Variants in KLF5 observed in about 807,000 individuals in gnomAD.
KLF5 encodes Krueppel-like factor 5.
In KLF5, 9 loss-of-function variants were observed where a neutral mutation model predicts 36.9. The observed-to-expected ratio is 0.24, with a 90% confidence interval of 0.15 to 0.43. The LOEUF (loss-of-function observed/expected upper bound fraction) is 0.43. Among genes scored for constraint, KLF5 ranks in the 20% least tolerant of loss-of-function variants. The pLI is 1.00. For synonymous variants in KLF5, 246 were observed against 241.7 expected, an observed-to-expected ratio of 1.02 and a Z score of -0.17; for missense variants, 524 against 599.5, an observed-to-expected ratio of 0.87 and a Z score of 1.31.
rs67730943 is a variant in KLF5 at position 73,063,983 on chromosome 13, C to CTTTTTTTTTTTTTTTT, written c.1195+103_1195+104insTTTTTTTTTTTTTTTT. The CTTTTTTTTTTTTTTTT allele has an allele frequency of 6.0e-6, 2 of 332,714 alleles. 1 individual carries two copies. Among genetic ancestry groups the CTTTTTTTTTTTTTTTT allele is most frequent in the Non-Finnish European group, 1.1e-5 (2 of 188,724 alleles). The allele number at this position is 332,714 out of a possible 1,614,324, so 20.6% of individuals were successfully genotyped here. A position where few individuals can be genotyped will look rare whatever the true frequency, so the allele number is the denominator to read the frequency against. The stretch of plus-strand genomic sequence containing the variant: ...CGTGTTTGATCTCTTCTCCTGTCAA[C>CTTTTTTTTTTTTTTTT]TTTGTTTTTTTTTTTTTTTTTAAAT... On this transcript the variant is annotated intron_variant, in intron 3 of 3. Transcript: ENST00000377687.
rs113148226 is a variant in KLF5, at chr13:73,062,772, AGT to A, written c.1135+55_1135+56del. The A allele has an allele frequency of 3.3e-3, 4,655 of 1,420,286 alleles. 24 individuals carry two copies. Among genetic ancestry groups the A allele is most frequent in the South Asian group, 0.02 (1,636 of 80,988 alleles). 88.0% of individuals were successfully genotyped at this position (1,420,286 alleles called of 1,614,324 possible). A position where few individuals can be genotyped will look rare whatever the true frequency, so the allele number is the denominator to read the frequency against. On this transcript the variant is annotated intron_variant, in intron 2 of 3. Coordinates refer to ENST00000377687, the MANE Select transcript of KLF5 (RefSeq NM_001730.5). ...ACCTGGTTGAAGCATCAATAGATGT[AGT>A]GTGTGTGTGTGTGTGTCTGTGTGCG... is the stretch of plus-strand genomic sequence containing the variant.
Position 73,075,730 on chromosome 13 carries a change from C to T in KLF5, c.1218C>T (p.Thr406=). ...CAGGTGAAAAGCCATACAAGTGTAC[C>T]TGGGAAGGCTGCGACTGGAGGTTCG... ...THTGEKPYKC[T]WEGCDWRFAR... The change falls in exon 4 of 4, where the codon ACC becomes ACT. Residue 406 remains threonine, a synonymous_variant. Transcript: ENST00000377687. The T allele has an allele frequency of 6.2e-7, 1 of 1,607,596 alleles. No homozygotes were observed.
At chr13:73,063,690 A>C in intron 2 of KLF5, 134 bp from the exon 3 acceptor site, 1 of 640,154 alleles carries the variant, frequency 1.6e-6, no homozygotes, top group African/African-American at 1.8e-5. Context: ...TAAAACTTTT[A>C]AAACTGAAGC....
chr13:73,072,655 A>G (rs779338384), intron 3 of KLF5, among the ~76,000 whole-genome samples: 2 of 152,146 alleles, frequency 1.3e-5, no homozygotes, highest in Non-Finnish European at 2.9e-5. Flanking sequence ...TTTTGCTTCT[A>G]ACTCTACGGG....
Position 73,077,044 on chromosome 13 carries a change from A to T in KLF5, c.*1158A>T, listed in dbSNP as rs2044768132. The T allele has an allele frequency of 6.6e-6, 1 of 152,640 alleles. No individual in the cohort carries two copies. The highest frequency in any genetic ancestry group is 2.4e-5 in the African/African-American group (1 of 41,446). 9.5% of individuals were successfully genotyped at this position (152,640 alleles called of 1,614,324 possible). ...TAAATGATATGTTGAAAACTTAAGG[A>T]AGCAAATGCTACATATATGCAATAT... is the stretch of plus-strand genomic sequence containing the variant. On this transcript the variant is annotated 3_prime_UTR_variant, in exon 4 of 4. Coordinates refer to ENST00000377687, the MANE Select transcript of KLF5 (RefSeq NM_001730.5).
At chr13:73,061,185 A>T (rs2044632587) in intron 1 of KLF5, among the ~76,000 whole-genome samples, 1 of 152,236 alleles carries the variant, frequency 6.6e-6, no homozygotes. Flanking sequence ...CATATTAACC[A>T]ATTACAGGAT....
chr13:73,060,076 T>C (rs2044621877), intron 1 of KLF5, among the ~76,000 whole-genome samples: 1 of 149,018 alleles, frequency 6.7e-6, no homozygotes. Flanking sequence ...TGGCTCAACC[T>C]GCTTTAGAAG....
rs539475182 is a variant in KLF5 at position 73,076,397 on chromosome 13, A to G, written c.*511A>G. ...AAATGTGTGGGTTTTTAAAAATTAT[A>G]TACATATATGAGTTGCCTATATTTG... On this transcript the variant is annotated 3_prime_UTR_variant, in exon 4 of 4. Coordinates refer to ENST00000377687, the MANE Select transcript of KLF5 (RefSeq NM_001730.5). The G allele has an allele frequency of 1.3e-5, 2 of 152,898 alleles. No individual in the cohort carries two copies. Among genetic ancestry groups the G allele is most frequent in the African/African-American group, 4.8e-5 (2 of 41,596 alleles). 9.5% of individuals were successfully genotyped at this position (152,898 alleles called of 1,614,324 possible).
chr13:73,061,240 T>C (rs1395375681), intron 1 of KLF5, among the ~76,000 whole-genome samples: 1 of 152,196 alleles, frequency 6.6e-6, no homozygotes, highest in African/African-American at 2.4e-5. Flanking sequence ...GAATGTGAAA[T>C]TGTTTTGTTT....
rs946600418 is a variant in KLF5, at chr13:73,076,872, G to A, written c.*986G>A. On this transcript the variant is annotated 3_prime_UTR_variant, in exon 4 of 4. Transcript: ENST00000377687. ...ATTGATGATGCAGTTTTCATATATC[G>A]AGATGTTCGCTCGTGCAGTACTGTT... is the stretch of plus-strand genomic sequence containing the variant. 1.3e-5 allele frequency: 2 copies of A among 152,082 alleles called. No individual in the cohort carries two copies. Among genetic ancestry groups the A allele is most frequent in the African/African-American group, 2.4e-5 (1 of 41,420 alleles). The allele number at this position is 152,082 out of a possible 1,614,324, so 9.4% of individuals were successfully genotyped here. A position where few individuals can be genotyped will look rare whatever the true frequency, so the allele number is the denominator to read the frequency against.
Position 73,075,943 on chromosome 13 carries a change from A to G in KLF5, c.*57A>G, listed in dbSNP as rs760046551. ...TGGGCTCCCTCAAATGACAGACCTA[A>G]CTATTCCTGTGTAAAAACAACAAAA... is the stretch of plus-strand genomic sequence containing the variant. On this transcript the variant is annotated 3_prime_UTR_variant, in exon 4 of 4. Coordinates refer to ENST00000377687, the MANE Select transcript of KLF5 (RefSeq NM_001730.5). 1.5e-6 allele frequency: 2 copies of G among 1,362,266 alleles called. No homozygotes were observed. The highest frequency in any genetic ancestry group is 1.9e-6 in the Non-Finnish European group (2 of 1,028,738). The allele number at this position is 1,362,266 out of a possible 1,614,324, so 84.4% of individuals were successfully genotyped here. A position where few individuals can be genotyped will look rare whatever the true frequency, so the allele number is the denominator to read the frequency against.
intron 3 of KLF5, among the ~76,000 whole-genome samples, chr13:73,065,363 A>G (rs528263203): frequency 3.6e-4 from 55 of 152,356 alleles, no homozygotes; most frequent in South Asian, 2.1e-3. Flanking sequence ...TTGATATCCC[A>G]GTGATAAACA....
intron 3 of KLF5, among the ~76,000 whole-genome samples, chr13:73,074,027 G>A (rs548445958): frequency 2.6e-5 from 4 of 152,258 alleles, no homozygotes; most frequent in African/African-American, 7.2e-5. Context: ...AACAAAAACT[G>A]TCTGGGTCAG....
chr13:73,062,844 G>A lies in KLF5; in HGVS notation c.1135+110G>A, dbSNP rs970852862. The stretch of plus-strand genomic sequence containing the variant: ...ACGCGCGTGCCCTTTTCAACCTCAT[G>A]GCTTTAAATAGGAAAGTTGTACTTG... On this transcript the variant is annotated intron_variant, in intron 2 of 3. Transcript: ENST00000377687. The A allele has an allele frequency of 1.0e-5, 9 of 864,274 alleles. No individual in the cohort carries two copies. The African/African-American group carries it at 1.5e-4, about 15-fold the overall frequency. The allele number at this position is 864,274 out of a possible 1,614,324, so 53.5% of individuals were successfully genotyped here. A position where few individuals can be genotyped will look rare whatever the true frequency, so the allele number is the denominator to read the frequency against.
chr13:73,062,821 G>T (rs1257393708), intron 2 of KLF5, 87 bp downstream of exon 2: 11 of 1,190,204 alleles, frequency 9.2e-6, no homozygotes, highest in Non-Finnish European at 1.3e-5. Flanking sequence ...GTGTGTGCAC[G>T]CGCGTGCCCT....
At position 73,061,944 on chromosome 13, in the gene KLF5, C is replaced by T. The variant is rs1227689487; in HGVS notation, c.345C>T (p.Asp115=). The part of the protein sequence containing the change: ...IIPEHKKYRR[D]SASVVDQFFT... ...CAGAGCATAAAAAGTATAGACGAGA[C>T]AGTGCCTCAGTCGTAGACCAGTTCT... The change falls in exon 2 of 4, where the codon GAC becomes GAT. Residue 115 remains aspartate, a synonymous_variant. Coordinates refer to ENST00000377687, the MANE Select transcript of KLF5 (RefSeq NM_001730.5). 2 of 1,614,080 alleles carry T rather than the reference C, an allele frequency of 1.2e-6. No individual in the cohort carries two copies. Among genetic ancestry groups the T allele is most frequent in the Non-Finnish European group, 1.7e-6 (2 of 1,179,928 alleles).
chr13:73,059,940 G>A (rs1246913020), intron 1 of KLF5: 2 of 285,960 alleles, frequency 7.0e-6, no homozygotes, highest in African/African-American at 4.6e-5. Context: ...CTTAAATTAC[G>A]CCTTCGCCTG....
chr13:73,065,825 A>G (rs1288949910), intron 3 of KLF5, among the ~76,000 whole-genome samples: 2 of 152,204 alleles, frequency 1.3e-5, no homozygotes, highest in Non-Finnish European at 2.9e-5. Flanking sequence ...GTAATCAACT[A>G]CTTATTGCAG....
chr13:73,057,896 CA>C (rs1273674894), upstream of KLF5, among the ~76,000 whole-genome samples: 1 of 152,156 alleles, frequency 6.6e-6, no homozygotes, highest in Non-Finnish European at 1.5e-5. Context: ...TGATTGCTGG[CA>C]AAAATTCACC....
Sources: gnomAD v4.1 joint callset for allele counts (sites outside exome capture counted in the v4.1 genomes callset) on GRCh38, gnomAD v4.1.1 for gene constraint, MANE v1.5 for transcripts, NCBI Gene and HGNC (gene_info 2026-07-23, HGNC 2026-07-21) for gene names.